The following ULK4 variants were observed in gnomAD, a reference collection of about 807,000 sequenced individuals.
ULK4 encodes the protein inactive serine/threonine-protein kinase ULK4.
Under a neutral mutation model 160.6 loss-of-function variants are expected in ULK4, and 133 were observed. The ratio of observed to expected loss-of-function variants is 0.83; its 90% confidence interval spans 0.72 to 0.96. The LOEUF is 0.96. ULK4 is among the 40% of genes least tolerant of loss of function. The probability of loss-of-function intolerance (pLI) is 0.00; values close to 1 mark genes in which losing one functional copy is unlikely to be tolerated. For synonymous variants in ULK4, 534 were observed against 539.8 expected (o/e 0.99, Z 0.15); for missense variants, 1,580 against 1,499.5 (o/e 1.05, Z -0.89).
chr3:41,825,207 A>G (rs2041300895), intron 18 of ULK4, among the ~76,000 whole-genome samples: 1 of 137,688 alleles, frequency 7.3e-6, no homozygotes, highest in South Asian at 2.2e-4. Flanking sequence ...AACCACAAAG[A>G]TGGAAAAAAC....
At chr3:41,924,734 C>T (rs1699318216) in intron 5 of ULK4, among the ~76,000 whole-genome samples, 2 of 152,148 alleles carry the variant, frequency 1.3e-5, no homozygotes, top group African/African-American at 4.8e-5. Context: ...CATATACAAG[C>T]TGGGCCCTGA....
intron 34 of ULK4, 59 bp downstream of exon 34, chr3:41,455,438 T>C (rs2083523729): frequency 6.8e-7 from 1 of 1,472,960 alleles, no homozygotes; most frequent in Non-Finnish European, 9.4e-7. Context: ...ATCAGGAAAT[T>C]CAAATAAAAT....
At chr3:41,342,329 C>T (rs951601010) in intron 35 of ULK4, among the ~76,000 whole-genome samples, 6 of 152,210 alleles carry the variant, frequency 3.9e-5, no homozygotes, top group Non-Finnish European at 8.8e-5. Context: ...GCACTATAAT[C>T]TAATGCTTCC....
chr3:41,400,166 C>T (rs891891487), intron 34 of ULK4, among the ~76,000 whole-genome samples: 1 of 152,122 alleles, frequency 6.6e-6, no homozygotes, highest in Non-Finnish European at 1.5e-5. Context: ...GGTACAATAT[C>T]ACAGCTAGAA....
chr3:41,692,453 C>T (rs2125808910), intron 27 of ULK4, among the ~76,000 whole-genome samples: 1 of 151,574 alleles, frequency 6.6e-6, no homozygotes, highest in African/African-American at 2.4e-5. Context: ...AATTTGCTCA[C>T]CAATGTTCTG....
chr3:41,542,605 C>T (rs1419129597), intron 32 of ULK4, among the ~76,000 whole-genome samples: 2 of 152,098 alleles, frequency 1.3e-5, no homozygotes, highest in Non-Finnish European at 2.9e-5. Context: ...GTACAAGCTC[C>T]TCTTTGTACC....
rs527860267 is a variant in ULK4, at chr3:41,492,641, T to A, written c.3227-29388A>T. Reference sequence around the variant, plus strand: ...AAAAGACACAGACTGGCAAATTGGATAAAGAGTCAAGGCCCATCAGTATGC... The same window carrying A: ...AAAAGACACAGACTGGCAAATTGGAAAAAGAGTCAAGGCCCATCAGTATGC... On this transcript the variant is annotated intron_variant, in intron 32 of 36. Coordinates refer to ENST00000301831, the MANE Select transcript of ULK4 (RefSeq NM_017886.4). Among the ~76,000 whole-genome samples, 6 of 151,526 alleles carry A rather than the reference T, an allele frequency of 4.0e-5. No homozygotes were observed. In the South Asian group the frequency reaches 8.4e-4, roughly 21 times the overall value.
At chr3:41,299,187 T>C (rs538462368) in intron 35 of ULK4, among the ~76,000 whole-genome samples, 1 of 152,286 alleles carries the variant, frequency 6.6e-6, no homozygotes, top group African/African-American at 2.4e-5. Flanking sequence ...TCTATGTCTA[T>C]GAGAACAAGC....
At chr3:41,317,428 A>AT (rs2125726639) in intron 35 of ULK4, among the ~76,000 whole-genome samples, 1 of 152,226 alleles carries the variant, frequency 6.6e-6, no homozygotes, top group Admixed American at 6.5e-5. Flanking sequence ...TTTTTGAAAC[A>AT]TTGTCATTTT....
rs1357646453 is a variant in ULK4, at chr3:41,493,596, A to G, written c.3227-30343T>C. On this transcript the variant is annotated intron_variant, in intron 32 of 36. Transcript: ENST00000301831. ...CTAAAATCAGAGCAGAACTGAAGCA[A>G]ATACAGACACAAAAAACCCTTCAAA... Among the ~76,000 whole-genome samples the G allele has an allele frequency of 3.1e-5, 4 of 128,034 alleles. 1 individual carries two copies. Among genetic ancestry groups the G allele is most frequent in the African/African-American group, 1.2e-4 (4 of 33,710 alleles). 84.0% of individuals were successfully genotyped at this position (128,034 alleles called of 152,430 possible).
intron 31 of ULK4, among the ~76,000 whole-genome samples, chr3:41,581,022 A>G: frequency 6.6e-6 from 1 of 152,216 alleles, no homozygotes; most frequent in South Asian, 2.1e-4. Flanking sequence ...TTTGTGGATT[A>G]AGGCAAAGAT....
intron 17 of ULK4, among the ~76,000 whole-genome samples, chr3:41,846,370 A>G (rs1452763868): frequency 6.6e-6 from 1 of 152,242 alleles, no homozygotes; most frequent in African/African-American, 2.4e-5. Flanking sequence ...GAAAATGCCA[A>G]TACTAAATGA....
chr3:41,645,457 A>C (rs1285283087), intron 30 of ULK4, among the ~76,000 whole-genome samples: 3 of 151,272 alleles, frequency 2.0e-5, no homozygotes, highest in Admixed American at 2.0e-4. Context: ...TGTACCCAGT[A>C]GTCATTCAGG....
intron 22 of ULK4, among the ~76,000 whole-genome samples, chr3:41,735,234 C>T (rs1164486965): frequency 6.6e-6 from 1 of 152,120 alleles, no homozygotes; most frequent in African/African-American, 2.4e-5. Flanking sequence ...AGAGGAGAAA[C>T]AGAAACATGA....
intron 32 of ULK4, among the ~76,000 whole-genome samples, chr3:41,523,557 T>C (rs1465674156): frequency 1.3e-5 from 2 of 152,218 alleles, no homozygotes; most frequent in African/African-American, 4.8e-5. Context: ...TACATTTTTA[T>C]GGATTTTTTT....
intron 32 of ULK4, among the ~76,000 whole-genome samples, chr3:41,492,382 C>G (rs1445807939): frequency 1.4e-5 from 2 of 141,468 alleles, no homozygotes; most frequent in East Asian, 3.9e-4. Flanking sequence ...TCCACATCCT[C>G]CCCAGCATCT....
chr3:41,381,019 C>T (rs73828012), intron 35 of ULK4, among the ~76,000 whole-genome samples: 44 of 152,260 alleles, frequency 2.9e-4, no homozygotes, highest in African/African-American at 1.0e-3. Context: ...CCATGCATCC[C>T]CTGCCCCTCT....
chr3:41,628,829 C>T (rs531011663), intron 30 of ULK4, among the ~76,000 whole-genome samples: 2 of 152,232 alleles, frequency 1.3e-5, no homozygotes, highest in South Asian at 4.1e-4. Flanking sequence ...CATGGAAATT[C>T]TTTGTACTAC....
rs1310944047 is a variant in ULK4, at chr3:41,610,486, A to G, written c.3120+5183T>C. On this transcript the variant is annotated intron_variant, in intron 31 of 36. Transcript: ENST00000301831. ...ATTTGTTGAGTTACAAGTAGAGTGG[A>G]GCAAATTTTATAAGCCTGATGGATG... is the stretch of plus-strand genomic sequence containing the variant. 2.0e-5 allele frequency among the ~76,000 whole-genome samples: 3 copies of G among 152,222 alleles called. No individual in the cohort carries two copies. In the East Asian group the frequency reaches 5.8e-4, roughly 29 times the overall value.
Sources: gnomAD v4.1 joint callset for allele counts (sites outside exome capture counted in the v4.1 genomes callset) on GRCh38, gnomAD v4.1.1 for gene constraint, MANE v1.5 for transcripts, NCBI Gene and HGNC (gene_info 2026-07-23, HGNC 2026-07-21) for gene names.